The following PCDHA6 variants were observed in gnomAD, a reference collection of about 807,000 sequenced individuals.
The protein encoded by PCDHA6 is protocadherin alpha-6.
PCDHA6 carries 55 observed loss-of-function variants against 60.3 expected under a neutral mutation model. The observed-to-expected ratio is 0.91, with a 90% CI of 0.73 to 1.14. The LOEUF (loss-of-function observed/expected upper bound fraction) is 1.14, where lower values mean the gene tolerates loss of function less well. Ranked by LOEUF, PCDHA6 falls within the 50% of genes most tolerant of loss-of-function variation. The pLI, the probability that PCDHA6 is intolerant of heterozygous loss-of-function variation, is 0.00. For synonymous variants in PCDHA6, 652 were observed against 557.9 expected, an observed-to-expected ratio of 1.17 and a Z score of -2.38; for missense variants, 1,327 against 1,256.5, an observed-to-expected ratio of 1.06 and a Z score of -0.85.
In PCDHA6 at chr5:140,863,490, A is replaced by C. The variant is rs149382847; in HGVS notation, c.2394+33005A>C. ...TGGAGAGTCGCCTCCCAAGGTCAAC[A>C]TTACGGCTTTTAGTCCTAGTGTTCT... is the stretch of plus-strand genomic sequence containing the variant. On this transcript the variant is annotated intron_variant, in intron 1 of 3. Coordinates refer to ENST00000529310, the MANE Select transcript of PCDHA6 (RefSeq NM_018909.4). 1.5e-4 allele frequency: 69 copies of C among 449,374 alleles called. No homozygotes were observed. In the East Asian group the frequency reaches 3.4e-3, roughly 22 times the overall value. 27.8% of individuals were successfully genotyped at this position (449,374 alleles called of 1,614,324 possible). A position where few individuals can be genotyped will look rare whatever the true frequency, so the allele number is the denominator to read the frequency against.
At chr5:140,879,268 A>G (rs1289844412) in intron 1 of PCDHA6, among the ~76,000 whole-genome samples, 1 of 152,268 alleles carries the variant, frequency 6.6e-6, no homozygotes, top group East Asian at 1.9e-4. Flanking sequence ...CCAGATAATG[A>G]CAGACTCAAT....
chr5:140,932,125 A>G (rs1272736604), intron 1 of PCDHA6, among the ~76,000 whole-genome samples: 1 of 151,932 alleles, frequency 6.6e-6, no homozygotes, highest in African/African-American at 2.4e-5. Context: ...ATAATATTTA[A>G]GATATAAACA....
rs2150334321 is a variant in PCDHA6, at chr5:140,842,332, A to G, written c.2394+11847A>G. ...CCATGGCGGGTCATTGCACCGTTTT[A>G]GTGAGAATTTTGGATAAAAATGATA... On this transcript the variant is annotated intron_variant, in intron 1 of 3. Transcript: ENST00000529310. 1.7e-5 allele frequency: 28 copies of G among 1,607,160 alleles called. No homozygotes were observed. In the East Asian group the frequency reaches 4.0e-4, roughly 23 times the overall value.
At chr5:140,869,083 T>C in intron 1 of PCDHA6, 1 of 1,582,990 alleles carries the variant, frequency 6.3e-7, no homozygotes, top group Non-Finnish European at 8.6e-7. Flanking sequence ...AAGCTTATTT[T>C]GGAAGCCAAT....
chr5:140,943,257 C>CAAAAAAAA (rs1238620023), intron 1 of PCDHA6, among the ~76,000 whole-genome samples: 2 of 77,482 alleles, frequency 2.6e-5, no homozygotes, highest in Admixed American at 1.5e-4. Flanking sequence ...GACTCTGTCT[C>CAAAAAAAA]AAAAAAAAAA....
intron 1 of PCDHA6, among the ~76,000 whole-genome samples, chr5:140,961,023 A>G (rs1216128174): frequency 6.6e-6 from 1 of 152,146 alleles, no homozygotes. Flanking sequence ...GACACTTGCT[A>G]CCTCCTTGTT....
At position 141,010,397 on chromosome 5, in the gene PCDHA6, A is replaced by C; in HGVS notation, c.*460A>C. On this transcript the variant is annotated 3_prime_UTR_variant, in exon 4 of 4. Coordinates refer to ENST00000529310, the MANE Select transcript of PCDHA6 (RefSeq NM_018909.4). ...TGCCAGATATTGGCTGAGACGAGCC[A>C]GCTTAGACTAATTGGTACAAGGAAG... 7.5e-7 allele frequency: 1 copy of C among 1,329,462 alleles called. No individual in the cohort carries two copies. The highest frequency in any genetic ancestry group is 1.0e-6 in the Non-Finnish European group (1 of 994,158). The allele number at this position is 1,329,462 out of a possible 1,614,324, so 82.4% of individuals were successfully genotyped here.
At position 140,841,437 on chromosome 5, in the gene PCDHA6, C is replaced by G. The variant is rs2150315470; in HGVS notation, c.2394+10952C>G. The G allele has an allele frequency of 7.8e-4, 1,255 of 1,612,956 alleles. 28 individuals are homozygous for G. The East Asian group carries it at 0.027, about 34-fold the overall frequency. ...CTCCACTACTCCGTCCCCGAGGAGG[C>G]CAAACACGGCACCTTCGTGGGCCGG... On this transcript the variant is annotated intron_variant, in intron 1 of 3. Coordinates refer to ENST00000529310, the MANE Select transcript of PCDHA6 (RefSeq NM_018909.4).
chr5:140,883,231 G>A, intron 1 of PCDHA6: 1 of 1,613,930 alleles, frequency 6.2e-7, no homozygotes, highest in Non-Finnish European at 8.5e-7. Context: ...TATCCGTGGA[G>A]GCAGTTGACA....
chr5:140,971,943 A>T (rs2096507947), intron 1 of PCDHA6, among the ~76,000 whole-genome samples: 1 of 152,186 alleles, frequency 6.6e-6, no homozygotes, highest in Non-Finnish European at 1.5e-5. Flanking sequence ...AGTTGTATCC[A>T]TCTGACTCCA....
intron 1 of PCDHA6, among the ~76,000 whole-genome samples, chr5:140,881,147 A>T (rs982102013): frequency 1.3e-5 from 2 of 152,356 alleles, no homozygotes; most frequent in East Asian, 3.9e-4. Context: ...ATAACAATAG[A>T]TAAAAGTAAG....
intron 1 of PCDHA6, among the ~76,000 whole-genome samples, chr5:140,936,151 C>G (rs947807537): frequency 6.6e-6 from 1 of 152,128 alleles, no homozygotes; most frequent in Non-Finnish European, 1.5e-5. Context: ...CCTTGGCCTC[C>G]TAAAGTGCTG....
chr5:140,870,891 G>A, intron 1 of PCDHA6: 2 of 1,613,964 alleles, frequency 1.2e-6, no homozygotes, highest in Non-Finnish European at 1.7e-6. Flanking sequence ...TGCGCGCAGT[G>A]GATGCGGACT....
chr5:140,983,022 A>G (rs2097023004), intron 3 of PCDHA6, among the ~76,000 whole-genome samples: 1 of 152,114 alleles, frequency 6.6e-6, no homozygotes, highest in Non-Finnish European at 1.5e-5. Flanking sequence ...GGAAGGAAGG[A>G]AGATGGTTTC....
intron 1 of PCDHA6, chr5:140,876,569 G>C (rs1554168675): frequency 6.2e-7 from 1 of 1,614,186 alleles, no homozygotes; most frequent in Admixed American, 1.7e-5. Flanking sequence ...GCTCAGGTGG[G>C]TACCGTCATT....
intron 2 of PCDHA6, among the ~76,000 whole-genome samples, chr5:140,981,353 C>A (rs551731316): frequency 6.6e-6 from 1 of 152,166 alleles, no homozygotes; most frequent in South Asian, 2.1e-4. Context: ...GCAGGTGGAT[C>A]ACTTGAGGTC....
At chr5:140,876,368 CA>C in intron 1 of PCDHA6, 1 of 1,613,904 alleles carries the variant, frequency 6.2e-7, no homozygotes. Flanking sequence ...AATCCAGACA[CA>C]GGTGAAATTA....
At chr5:140,979,043 C>A (rs782371496) in intron 2 of PCDHA6, 36 bp downstream of exon 2, 2 of 1,612,500 alleles carry the variant, frequency 1.2e-6, no homozygotes, top group Non-Finnish European at 1.7e-6. Context: ...CAGAAGTAAC[C>A]TTAACTTGGT....
intron 1 of PCDHA6, among the ~76,000 whole-genome samples, chr5:140,960,137 T>C (rs2095528767): frequency 6.6e-6 from 1 of 152,232 alleles, no homozygotes; most frequent in African/African-American, 2.4e-5. Flanking sequence ...AATACTTAGA[T>C]ATTAATAGCT....
Sources: gnomAD v4.1 joint callset for allele counts (sites outside exome capture counted in the v4.1 genomes callset) on GRCh38, gnomAD v4.1.1 for gene constraint, MANE v1.5 for transcripts, NCBI Gene and HGNC (gene_info 2026-07-23, HGNC 2026-07-21) for gene names.